The following PCDH15 variants were observed in gnomAD, a reference collection of about 807,000 sequenced individuals.
PCDH15 encodes protocadherin-15.
In PCDH15, 129 loss-of-function variants were observed where a neutral mutation model predicts 178.5. The observed-to-expected ratio is 0.72, with a 90% CI of 0.63 to 0.84. The LOEUF is 0.84. Among genes scored for constraint, PCDH15 ranks in the 40% least tolerant of loss-of-function variants. The pLI is 0.00. For synonymous variants in PCDH15, 800 were observed against 732.0 expected (o/e 1.09, Z -1.50); for missense variants, 2,230 against 2,099.9 (o/e 1.06, Z -1.21).
chr10:54,749,881 G>A (rs1323052244), intron 1 of PCDH15, among the ~76,000 whole-genome samples: 1 of 152,078 alleles, frequency 6.6e-6, no homozygotes, highest in Non-Finnish European at 1.5e-5. Context: ...AGACTCTGGA[G>A]TATCAGATGT....
chr10:55,426,151 A>T (rs1354303247), intron 2 of PCDH15, among the ~76,000 whole-genome samples: 1 of 152,194 alleles, frequency 6.6e-6, no homozygotes, highest in Non-Finnish European at 1.5e-5. Flanking sequence ...TAAATGCATT[A>T]TGTAAAAATT....
intron 2 of PCDH15, among the ~76,000 whole-genome samples, chr10:55,027,622 C>T (rs1277416552): frequency 6.6e-6 from 1 of 151,726 alleles, no homozygotes; most frequent in Non-Finnish European, 1.5e-5. Context: ...ATAATAGAAC[C>T]TCACAACTTC....
intron 11 of PCDH15, among the ~76,000 whole-genome samples, chr10:54,192,136 A>G (rs7907594): frequency 0.52 from 66,994 of 128,138 alleles, 17,023 homozygotes; most frequent in African/African-American, 0.64. Flanking sequence ...AAGAAAGAGA[A>G]AGAGAAAGAA....
intron 1 of PCDH15, among the ~76,000 whole-genome samples, chr10:55,285,039 T>C (rs1014604341): frequency 1.4e-4 from 21 of 151,508 alleles, no homozygotes; most frequent in Non-Finnish European, 7.4e-5. Flanking sequence ...ATATTAACTA[T>C]AGTTGAATAG....
intron 8 of PCDH15, among the ~76,000 whole-genome samples, chr10:54,252,873 T>C (rs966011400): frequency 1.3e-5 from 2 of 152,056 alleles, no homozygotes; most frequent in East Asian, 1.9e-4. Flanking sequence ...ATTCTATTTA[T>C]GTATAAATTT....
intron 2 of PCDH15, among the ~76,000 whole-genome samples, chr10:55,440,279 A>C (rs1839148265): frequency 6.6e-6 from 1 of 152,210 alleles, no homozygotes; most frequent in African/African-American, 2.4e-5. Flanking sequence ...CAAACAATTA[A>C]AATAAATAAA....
chr10:54,537,025 G>A (rs1317395848), intron 2 of PCDH15, among the ~76,000 whole-genome samples: 1 of 98,908 alleles, frequency 1.0e-5, no homozygotes, highest in Non-Finnish European at 2.0e-5. Flanking sequence ...TTTTGAGACG[G>A]CGTCTCTCTC....
intron 3 of PCDH15, among the ~76,000 whole-genome samples, chr10:54,889,418 G>A (rs867374779): frequency 3.3e-5 from 5 of 150,162 alleles, no homozygotes; most frequent in Admixed American, 6.6e-5. Flanking sequence ...CCAAACACGC[G>A]CACAGAACAG....
chr10:55,005,398 A>G (rs1180814678), intron 2 of PCDH15, among the ~76,000 whole-genome samples: 1 of 152,074 alleles, frequency 6.6e-6, no homozygotes, highest in East Asian at 1.9e-4. Flanking sequence ...AATAAGGTAA[A>G]TTTGAATTCT....
chr10:54,598,998 A>T (rs1255105383), intron 2 of PCDH15, among the ~76,000 whole-genome samples: 4 of 152,042 alleles, frequency 2.6e-5, no homozygotes, highest in Non-Finnish European at 4.4e-5. Context: ...TTTAAAAAAA[A>T]ATTCTATGCT....
intron 21 of PCDH15, among the ~76,000 whole-genome samples, chr10:53,981,472 T>G (rs10825181): frequency 3.3e-5 from 5 of 151,904 alleles, no homozygotes; most frequent in Non-Finnish European, 7.4e-5. Context: ...AAAACAGAGA[T>G]ATAGATCAAT....
At chr10:55,185,384 C>T (rs1397057675) in intron 1 of PCDH15, among the ~76,000 whole-genome samples, 1 of 151,680 alleles carries the variant, frequency 6.6e-6, no homozygotes. Context: ...AACTAGGCCT[C>T]TTAAATTTGC....
intron 2 of PCDH15, among the ~76,000 whole-genome samples, chr10:55,456,264 T>C (rs570533033): frequency 1.4e-4 from 22 of 152,140 alleles, no homozygotes; most frequent in African/African-American, 5.3e-4. Flanking sequence ...TTTTGAAATA[T>C]AACAGGAAAA....
intron 2 of PCDH15, among the ~76,000 whole-genome samples, chr10:54,981,636 C>A (rs182898154): frequency 1.3e-5 from 2 of 152,014 alleles, no homozygotes; most frequent in South Asian, 4.1e-4. Flanking sequence ...TTGGCCTAAT[C>A]GTAAGGAATA....
At chr10:54,128,742 T>C (rs2042185660) in intron 15 of PCDH15, among the ~76,000 whole-genome samples, 1 of 152,180 alleles carries the variant, frequency 6.6e-6, no homozygotes, top group African/African-American at 2.4e-5. Flanking sequence ...TTTTGCTCAA[T>C]TGTGCTTTAT....
At chr10:53,826,033 C>G (rs2076656152) in intron 32 of PCDH15, among the ~76,000 whole-genome samples, 1 of 151,572 alleles carries the variant, frequency 6.6e-6, no homozygotes, top group Non-Finnish European at 1.5e-5. Context: ...CACAACTTTA[C>G]ACATAATCCT....
intron 5 of PCDH15, among the ~76,000 whole-genome samples, chr10:54,358,226 G>A (rs537117646): frequency 6.6e-6 from 1 of 150,918 alleles, no homozygotes; most frequent in East Asian, 1.9e-4. Context: ...GAGTGAACAG[G>A]CAACCTACAA....
chr10:53,823,768 G>GAAGA (rs768808974), intron 32 of PCDH15: 1 of 452,638 alleles, frequency 2.2e-6, no homozygotes, highest in South Asian at 1.5e-5. Context: ...GTTACGCATA[G>GAAGA]AAGATTCTTA....
chr10:54,766,931 A>G (rs11004561), intron 1 of PCDH15, among the ~76,000 whole-genome samples: 2,049 of 144,906 alleles, frequency 0.014, 39 homozygotes, highest in East Asian at 0.06. Flanking sequence ...CTCCATCTCA[A>G]AAAAACAAAA....
Sources: gnomAD v4.1 joint callset for allele counts (sites outside exome capture counted in the v4.1 genomes callset) on GRCh38, gnomAD v4.1.1 for gene constraint, MANE v1.5 for transcripts, NCBI Gene and HGNC (gene_info 2026-07-23, HGNC 2026-07-21) for gene names.